Variants in COMMD10 observed in about 807,000 individuals in gnomAD.
COMMD10 encodes COMM domain containing 10, also known as COMM domain-containing protein 10.
COMMD10 carries 33 observed loss-of-function variants against 28.9 expected under a neutral mutation model. The observed-to-expected ratio is 1.14, with a 90% CI of 0.87 to 1.53. The LOEUF is 1.53. Among genes scored for constraint, COMMD10 ranks in the 40% most tolerant of loss-of-function variants. The pLI is 0.00. For synonymous variants in COMMD10, 110 were observed against 81.7 expected (o/e 1.35, Z -1.87); for missense variants, 310 against 233.4 (o/e 1.33, Z -2.14).
intron 5 of COMMD10, among the ~76,000 whole-genome samples, chr5:116,234,637 G>A (rs529428124): frequency 4.5e-4 from 68 of 152,256 alleles, no homozygotes; most frequent in African/African-American, 1.6e-3. Context: ...CAGTAATGAT[G>A]CATTTAAATA....
At chr5:116,119,741 A>G (rs1751361414) in intron 4 of COMMD10, among the ~76,000 whole-genome samples, 1 of 151,936 alleles carries the variant, frequency 6.6e-6, no homozygotes, top group Non-Finnish European at 1.5e-5. Context: ...CTTCCCAAGT[A>G]ACTAGGACTA....
At chr5:116,114,841 T>C (rs1307902833) in intron 4 of COMMD10, among the ~76,000 whole-genome samples, 2 of 152,122 alleles carry the variant, frequency 1.3e-5, no homozygotes, top group Non-Finnish European at 2.9e-5. Context: ...TGGGTAGTTG[T>C]CACCTATCTC....
At position 116,087,612 on chromosome 5, in the gene COMMD10, C is replaced by T. The variant is rs192150781; in HGVS notation, c.132+25C>T. 570 of 1,414,542 alleles carry T rather than the reference C, an allele frequency of 4.0e-4. 5 individuals are homozygous for T. The East Asian group carries it at 0.011, about 28-fold the overall frequency. The allele number at this position is 1,414,542 out of a possible 1,614,324, so 87.6% of individuals were successfully genotyped here. A position where few individuals can be genotyped will look rare whatever the true frequency, so the allele number is the denominator to read the frequency against. On this transcript the variant is annotated intron_variant, in intron 2 of 6. Coordinates refer to ENST00000274458, the MANE Select transcript of COMMD10 (RefSeq NM_016144.4). ...GGTTTGTATTTGTGTGTTTCCATGC[C>T]TTGTAATCTTCCTTCTGATTTAATT... is the stretch of plus-strand genomic sequence containing the variant.
At chr5:116,267,476 A>G (rs553128522) in intron 5 of COMMD10, among the ~76,000 whole-genome samples, 2 of 152,068 alleles carry the variant, frequency 1.3e-5, no homozygotes, top group African/African-American at 2.4e-5. Context: ...AGAACATTCT[A>G]TGTTCATGGA....
At chr5:116,243,256 C>T (rs567110783) in intron 5 of COMMD10, among the ~76,000 whole-genome samples, 4 of 152,218 alleles carry the variant, frequency 2.6e-5, no homozygotes, top group African/African-American at 9.6e-5. Flanking sequence ...ACTACAGTTA[C>T]AAGAAAGCCA....
intron 5 of COMMD10, among the ~76,000 whole-genome samples, chr5:116,246,535 A>G (rs1211275883): frequency 1.3e-5 from 2 of 152,164 alleles, no homozygotes; most frequent in African/African-American, 2.4e-5. Flanking sequence ...AGCCAAAGCA[A>G]TTTTAAGCAA....
At chr5:116,131,385 ATGTGTGTG>A (rs920229109) in intron 4 of COMMD10, among the ~76,000 whole-genome samples, 2 of 149,784 alleles carry the variant, frequency 1.3e-5, no homozygotes, top group Non-Finnish European at 1.5e-5. Context: ...TGGGAGGGGT[ATGTGTGTG>A]TGTGTGTATG....
chr5:116,218,704 G>C (rs1749167688), intron 5 of COMMD10, among the ~76,000 whole-genome samples: 1 of 152,090 alleles, frequency 6.6e-6, no homozygotes, highest in African/African-American at 2.4e-5. Context: ...CTCTTGGTGA[G>C]GCAGAATAGA....
chr5:116,196,635 T>A (rs6874390), intron 5 of COMMD10, among the ~76,000 whole-genome samples: 37,645 of 151,180 alleles, frequency 0.25, 6,226 homozygotes, highest in African/African-American at 0.48. Context: ...CTTTTTTTTT[T>A]AAAAAAAGAA....
rs1307517225 is a variant in COMMD10, at chr5:116,256,583, T to C, written c.511-34934T>C. Among the ~76,000 whole-genome samples, 2 of 151,718 alleles carry C rather than the reference T, an allele frequency of 1.3e-5. 1 individual carries two copies. The highest frequency in any genetic ancestry group is 4.9e-5 in the African/African-American group (2 of 41,146). ...TTGGCATTTGAAACAGTATACAGGT[T>C]GAGTATTCCTTATCCAAAATGGTTG... On this transcript the variant is annotated intron_variant, in intron 5 of 6. Transcript: ENST00000274458.
At chr5:116,127,119 A>T (rs1032787544) in intron 4 of COMMD10, among the ~76,000 whole-genome samples, 1 of 152,234 alleles carries the variant, frequency 6.6e-6, no homozygotes, top group African/African-American at 2.4e-5. Flanking sequence ...GGCAAAGGAT[A>T]TGAACAGACA....
intron 5 of COMMD10, among the ~76,000 whole-genome samples, chr5:116,241,438 A>C (rs1049160022): frequency 6.6e-6 from 1 of 152,138 alleles, no homozygotes; most frequent in Admixed American, 6.5e-5. Context: ...TCTGTACCAA[A>C]GTAAAAAACT....
chr5:116,118,046 C>G (rs536130377), intron 4 of COMMD10, among the ~76,000 whole-genome samples: 30 of 152,244 alleles, frequency 2.0e-4, no homozygotes, highest in African/African-American at 7.0e-4. Flanking sequence ...AGCCCACAAC[C>G]TACATTGTTG....
chr5:116,254,238 CA>C (rs887288828), intron 5 of COMMD10, among the ~76,000 whole-genome samples: 4 of 151,956 alleles, frequency 2.6e-5, no homozygotes, highest in African/African-American at 9.7e-5. Flanking sequence ...TTGATCCTTT[CA>C]AAAAACCAGT....
At chr5:116,124,823 A>G (rs1156238765) in intron 4 of COMMD10, among the ~76,000 whole-genome samples, 3 of 152,090 alleles carry the variant, frequency 2.0e-5, no homozygotes, top group African/African-American at 7.2e-5. Flanking sequence ...CCATTATGCA[A>G]TGGCCTTCTT....
intron 5 of COMMD10, among the ~76,000 whole-genome samples, chr5:116,244,660 C>CAAAAAAAAAAAAAAAAAAAAAAAAAAAA (rs60360733): frequency 6.3e-5 from 5 of 79,480 alleles, no homozygotes; most frequent in East Asian, 3.8e-4. Flanking sequence ...AAAAAAATTA[C>CAAAAAAAAAAAAAAAAAAAAAAAAAAAA]AAAAAAAAAA....
chr5:116,276,290 T>C lies in COMMD10; in HGVS notation c.511-15227T>C, dbSNP rs1750910323. 1.3e-5 allele frequency among the ~76,000 whole-genome samples: 2 copies of C among 151,848 alleles called. 1 individual carries two copies. The highest frequency in any genetic ancestry group is 4.9e-5 in the African/African-American group (2 of 41,158). On this transcript the variant is annotated intron_variant, in intron 5 of 6. Coordinates refer to ENST00000274458, the MANE Select transcript of COMMD10 (RefSeq NM_016144.4). ...TTTTTGAGATGGACTTCTGCTTTTG[T>C]CACCCAGGCTGTAGTGCAATGGCAC...
intron 5 of COMMD10, among the ~76,000 whole-genome samples, chr5:116,187,779 C>T (rs1006557264): frequency 1.3e-5 from 2 of 151,986 alleles, no homozygotes; most frequent in South Asian, 2.1e-4. Flanking sequence ...AATAAAATTG[C>T]TGAATTCCAA....
In COMMD10 at chr5:116,127,818, C is replaced by G. The variant is rs78748003; in HGVS notation, c.400-6250C>G. On this transcript the variant is annotated intron_variant, in intron 4 of 6. Coordinates refer to ENST00000274458, the MANE Select transcript of COMMD10 (RefSeq NM_016144.4). ...GGAGGGATAGCAGTAGGAGATATAC[C>G]TAGTGTAAATGACATGTTAACGGGT... 3.9e-3 allele frequency among the ~76,000 whole-genome samples: 598 copies of G among 152,154 alleles called. 6 individuals are homozygous for G. The highest frequency in any genetic ancestry group is 0.013 in the African/African-American group (540 of 41,524).
Sources: allele counts gnomAD v4.1 joint callset (sites outside exome capture counted in the v4.1 genomes callset), GRCh38; gene constraint gnomAD v4.1.1; transcripts MANE v1.5; gene names NCBI Gene and HGNC (gene_info 2026-07-23, HGNC 2026-07-21).